The following SPRY3 variants were observed in gnomAD, a reference collection of about 807,000 sequenced individuals.
SPRY3 encodes protein sprouty homolog 3.
In SPRY3, 15 loss-of-function variants were observed where a neutral mutation model predicts 20.2. The observed-to-expected ratio is 0.74, with a 90% CI of 0.50 to 1.14. SPRY3 has a LOEUF of 1.14. SPRY3 is among the 50% of genes most tolerant of loss of function. The probability of loss-of-function intolerance (pLI) is 0.00; values close to 1 mark genes in which losing one functional copy is unlikely to be tolerated. For synonymous variants in SPRY3, 143 were observed against 136.5 expected, an observed-to-expected ratio of 1.05 and a Z score of -0.33; for missense variants, 364 against 363.9, an observed-to-expected ratio of 1.00 and a Z score of 0.00.
chrX:155,699,705 A>G (rs1338861683), intron 2 of SPRY3, among the ~76,000 whole-genome samples: 2 of 111,106 alleles, frequency 1.8e-5, no homozygotes, highest in Admixed American at 1.9e-4. Context: ...GGAAAGCTTT[A>G]CTTCTGAGAA....
At chrX:155,727,659 A>T (rs1339644806) in intron 2 of SPRY3, among the ~76,000 whole-genome samples, 1 of 152,068 alleles carries the variant, frequency 6.6e-6, no homozygotes, top group Non-Finnish European at 1.5e-5. Flanking sequence ...CAGGTCATGT[A>T]AGGTCTTCTC....
At chrX:155,658,973 G>A (rs2068000393) in intron 2 of SPRY3, among the ~76,000 whole-genome samples, 1 of 110,984 alleles carries the variant, frequency 9.0e-6, no homozygotes, top group South Asian at 3.8e-4. Context: ...CTATATATGT[G>A]GTGAATCACA....
At chrX:155,710,712 G>C (rs1238262182) in intron 2 of SPRY3, among the ~76,000 whole-genome samples, 1 of 151,582 alleles carries the variant, frequency 6.6e-6, no homozygotes, top group Non-Finnish European at 1.5e-5. Context: ...AATAACAGTG[G>C]CAAAAATAAG....
intron 2 of SPRY3, among the ~76,000 whole-genome samples, chrX:155,713,861 T>C (rs964827560): frequency 2.0e-5 from 3 of 152,180 alleles, no homozygotes; most frequent in African/African-American, 7.2e-5. Context: ...TTTCCAGATC[T>C]GTAGGCATAC....
intron 1 of SPRY3, among the ~76,000 whole-genome samples, chrX:155,641,469 T>A (rs2067939989): frequency 8.7e-6 from 1 of 115,016 alleles, no homozygotes; most frequent in African/African-American, 3.1e-5. Flanking sequence ...GAGACACGGA[T>A]CAGACTGAGA....
At chrX:155,769,527 A>G (rs1404866631) in intron 3 of SPRY3, among the ~76,000 whole-genome samples, 3 of 139,034 alleles carry the variant, frequency 2.2e-5, no homozygotes, top group Non-Finnish European at 4.7e-5. Context: ...TGTCATATAA[A>G]AGGATTTGAG....
At chrX:155,714,415 T>C (rs1466067330) in intron 2 of SPRY3, among the ~76,000 whole-genome samples, 2 of 152,166 alleles carry the variant, frequency 1.3e-5, no homozygotes, top group African/African-American at 4.8e-5. Flanking sequence ...TTTTGCAGAC[T>C]CATAGAGGTA....
chrX:155,742,439 T>C (rs2091208252), intron 2 of SPRY3, among the ~76,000 whole-genome samples: 1 of 152,176 alleles, frequency 6.6e-6, no homozygotes, highest in African/African-American at 2.4e-5. Context: ...ATCATTAAGA[T>C]GGAAAATTAA....
intron 2 of SPRY3, among the ~76,000 whole-genome samples, chrX:155,726,266 G>A (rs1426308559): frequency 2.0e-5 from 3 of 152,132 alleles, no homozygotes; most frequent in South Asian, 2.1e-4. Context: ...GAATAACTGC[G>A]ATGTGGTGCT....
chrX:155,759,936 C>T (rs961176729), intron 2 of SPRY3, among the ~76,000 whole-genome samples: 1 of 152,172 alleles, frequency 6.6e-6, no homozygotes, highest in African/African-American at 2.4e-5. Context: ...AGGAAGCCTT[C>T]CTTGACTTCT....
At chrX:155,652,917 G>C (rs1271381893) in intron 1 of SPRY3, among the ~76,000 whole-genome samples, 3 of 111,872 alleles carry the variant, frequency 2.7e-5, no homozygotes, top group African/African-American at 9.7e-5. Flanking sequence ...GCATCCTAAT[G>C]GGTGTGAAGT....
At chrX:155,673,120 C>T (rs1285258407) in intron 2 of SPRY3, among the ~76,000 whole-genome samples, 30 of 95,488 alleles carry the variant, frequency 3.1e-4, no homozygotes, top group Admixed American at 5.8e-4. Flanking sequence ...TGCTAAATGA[C>T]AAGTTAATGG....
chrX:155,654,470 C>G (rs192018022), intron 1 of SPRY3, among the ~76,000 whole-genome samples: 43 of 110,766 alleles, frequency 3.9e-4, no homozygotes, highest in Non-Finnish European at 7.2e-4. Context: ...ACCCTCACCC[C>G]CTCCTACTAT....
intron 2 of SPRY3, among the ~76,000 whole-genome samples, chrX:155,724,400 A>G (rs1366728487): frequency 1.3e-5 from 2 of 152,126 alleles, no homozygotes; most frequent in African/African-American, 2.4e-5. Context: ...CATGATATTC[A>G]TTCTTCCTAC....
chrX:155,739,911 C>T (rs1191644349), intron 2 of SPRY3, among the ~76,000 whole-genome samples: 1 of 152,152 alleles, frequency 6.6e-6, no homozygotes, highest in Admixed American at 6.5e-5. Flanking sequence ...TGCCTCTTCT[C>T]CTCCAAGTGA....
intron 2 of SPRY3, among the ~76,000 whole-genome samples, chrX:155,728,684 G>T (rs761947685): frequency 6.6e-6 from 1 of 152,106 alleles, no homozygotes; most frequent in Non-Finnish European, 1.5e-5. Context: ...GTATTTGGGC[G>T]GGAGTGTTTC....
intron 3 of SPRY3, among the ~76,000 whole-genome samples, chrX:155,770,069 A>T (rs2091371617): frequency 6.6e-6 from 1 of 152,198 alleles, no homozygotes; most frequent in South Asian, 2.1e-4. Context: ...AGCAGAGCAT[A>T]GAAAAAAGCA....
chrX:155,759,112 G>C (rs1352378168), intron 2 of SPRY3, among the ~76,000 whole-genome samples: 1 of 150,346 alleles, frequency 6.7e-6, no homozygotes, highest in Non-Finnish European at 1.5e-5. Context: ...CCAGGCTGGA[G>C]TGCAGTGGCA....
intron 2 of SPRY3, among the ~76,000 whole-genome samples, chrX:155,754,446 C>T (rs2091275949): frequency 6.6e-6 from 1 of 152,036 alleles, no homozygotes; most frequent in South Asian, 2.1e-4. Flanking sequence ...TTACATTTGA[C>T]TATATGTATA....
Sources: allele counts gnomAD v4.1 joint callset (sites outside exome capture counted in the v4.1 genomes callset), GRCh38; gene constraint gnomAD v4.1.1; transcripts MANE v1.5; gene names NCBI Gene and HGNC (gene_info 2026-07-23, HGNC 2026-07-21).